The following DISC1 variants were observed in gnomAD, a reference collection of about 807,000 sequenced individuals.
The protein encoded by DISC1 is disrupted in schizophrenia 1 protein.
A neutral mutation model predicts 84.5 loss-of-function variants in DISC1; 57 were observed. That is an observed-to-expected ratio of 0.67 (90% CI 0.55 to 0.84). The LOEUF (loss-of-function observed/expected upper bound fraction) is 0.84, where lower values mean the gene tolerates loss of function less well. DISC1 is among the 40% of genes least tolerant of loss of function. The probability of loss-of-function intolerance (pLI) is 0.00; values close to 1 mark genes in which losing one functional copy is unlikely to be tolerated. For synonymous variants in DISC1, 411 were observed against 415.2 expected, an observed-to-expected ratio of 0.99 and a Z score of 0.12; for missense variants, 1,000 against 1,057.8, an observed-to-expected ratio of 0.95 and a Z score of 0.76.
At chr1:231,812,831 TG>T (rs1392779948) in intron 8 of DISC1, among the ~76,000 whole-genome samples, 1 of 152,182 alleles carries the variant, frequency 6.6e-6, no homozygotes, top group African/African-American at 2.4e-5. Flanking sequence ...CAGAGAGGTC[TG>T]CATCAAGCAA....
At chr1:231,884,213 C>A (rs571234884) in intron 9 of DISC1, among the ~76,000 whole-genome samples, 1 of 152,240 alleles carries the variant, frequency 6.6e-6, no homozygotes, top group Non-Finnish European at 1.5e-5. Flanking sequence ...CTTTTTTGGA[C>A]AATTTTGCAT....
At chr1:231,945,924 C>A (rs918559451) in intron 9 of DISC1, among the ~76,000 whole-genome samples, 1 of 152,162 alleles carries the variant, frequency 6.6e-6, no homozygotes, top group Non-Finnish European at 1.5e-5. Flanking sequence ...GGAGTGGAAT[C>A]CCTGAATAAA....
chr1:232,005,637 T>C (rs1667325599), intron 10 of DISC1, among the ~76,000 whole-genome samples: 1 of 152,206 alleles, frequency 6.6e-6, no homozygotes, highest in Non-Finnish European at 1.5e-5. Context: ...TACTTCTGCC[T>C]AATTCCTTCT....
At chr1:231,751,466 C>T (rs1295061387) in intron 4 of DISC1, among the ~76,000 whole-genome samples, 2 of 151,998 alleles carry the variant, frequency 1.3e-5, no homozygotes, top group African/African-American at 4.8e-5. Flanking sequence ...TAAAATTCAC[C>T]ATCTTAAGTG....
intron 4 of DISC1, among the ~76,000 whole-genome samples, chr1:231,753,770 T>G (rs1223044249): frequency 6.6e-6 from 1 of 152,224 alleles, no homozygotes; most frequent in South Asian, 2.1e-4. Context: ...AAACTTTAGG[T>G]CATTTATTTG....
intron 9 of DISC1, among the ~76,000 whole-genome samples, chr1:231,885,753 G>T (rs924448931): frequency 1.3e-5 from 2 of 152,206 alleles, no homozygotes; most frequent in African/African-American, 4.8e-5. Flanking sequence ...TATGGTGGCA[G>T]TGGGAAAAGG....
At chr1:231,634,452 C>T (rs1226392288) in intron 1 of DISC1, among the ~76,000 whole-genome samples, 1 of 152,096 alleles carries the variant, frequency 6.6e-6, no homozygotes, top group Non-Finnish European at 1.5e-5. Flanking sequence ...AAAAAGTTTG[C>T]GTATTTCAGT....
At position 231,739,569 on chromosome 1, in the gene DISC1, C is replaced by G. The variant is rs577697775; in HGVS notation, c.1118-10357C>G. On this transcript the variant is annotated intron_variant, in intron 3 of 12. Coordinates refer to ENST00000439617, the MANE Select transcript of DISC1 (RefSeq NM_018662.3). The stretch of plus-strand genomic sequence containing the variant: ...TTACCAATGGGGCCGCTCACTGCCA[C>G]CTTTTCTGCACAGGAAGAGACGAGA... 2.6e-5 allele frequency among the ~76,000 whole-genome samples: 4 copies of G among 152,292 alleles called. No individual in the cohort carries two copies. The South Asian group carries it at 6.2e-4, about 24-fold the overall frequency.
At chr1:231,754,521 C>T (rs1220859736) in intron 4 of DISC1, among the ~76,000 whole-genome samples, 1 of 152,174 alleles carries the variant, frequency 6.6e-6, no homozygotes, top group Non-Finnish European at 1.5e-5. Context: ...TGGTGTTAAA[C>T]ATTCATGAAA....
intron 3 of DISC1, among the ~76,000 whole-genome samples, chr1:231,714,550 GAGAC>G (rs901588637): frequency 5.9e-5 from 9 of 151,880 alleles, no homozygotes; most frequent in African/African-American, 2.2e-4. Flanking sequence ...GTATGAAACA[GAGAC>G]AGAGAGAAAG....
At chr1:231,744,924 T>A (rs2073795209) in intron 3 of DISC1, among the ~76,000 whole-genome samples, 1 of 152,130 alleles carries the variant, frequency 6.6e-6, no homozygotes, top group African/African-American at 2.4e-5. Context: ...GTAAAAGAAA[T>A]GAAAATCAAT....
chr1:231,820,803 T>C (rs1177103501), intron 9 of DISC1, among the ~76,000 whole-genome samples: 4 of 152,230 alleles, frequency 2.6e-5, no homozygotes, highest in Non-Finnish European at 5.9e-5. Context: ...CCTTGTTATA[T>C]GGTAACAGCT....
chr1:232,008,704 G>T, intron 10 of DISC1, 81 bp from the exon 11 acceptor site: 1 of 1,476,418 alleles, frequency 6.8e-7, no homozygotes. Context: ...CTGACTTTTA[G>T]CCAGGTAGAC....
chr1:231,710,183 A>G (rs1332574486), intron 3 of DISC1, among the ~76,000 whole-genome samples: 1 of 152,164 alleles, frequency 6.6e-6, no homozygotes, highest in South Asian at 2.1e-4. Context: ...CAAAAAAATG[A>G]CAAAAACAAT....
At chr1:231,649,732 T>G (rs1456328133) in intron 1 of DISC1, among the ~76,000 whole-genome samples, 1 of 152,226 alleles carries the variant, frequency 6.6e-6, no homozygotes, top group Non-Finnish European at 1.5e-5. Context: ...TTTATGAATC[T>G]GGGTGCTCCT....
At chr1:231,973,940 C>T (rs901640096) in intron 10 of DISC1, among the ~76,000 whole-genome samples, 4 of 152,180 alleles carry the variant, frequency 2.6e-5, no homozygotes, top group African/African-American at 9.6e-5. Flanking sequence ...ACACCCACTC[C>T]AAACTAATGT....
chr1:231,818,398 T>C lies in DISC1; in HGVS notation c.1862T>C (p.Leu621Pro). ...TCATTAACATCAGAGAGAGAAGGGC[T>C]GGAGGGACTCCTCAGCAAGCTGTTG... is the stretch of plus-strand genomic sequence containing the variant. ...IRSLTSEREG[L>P]EGLLSKLLVL... The change falls in exon 9 of 13, where the codon CTG (leucine) becomes CCG (proline). Residue 621 changes from leucine (L) to proline (P), a missense_variant. Physicochemically the swap from Leu to Pro is moderately conservative, Grantham distance 98. Around this residue, in one of 3 missense-constraint regions of DISC1, gnomAD observed 397 missense variants for 377.5 expected, o/e 1.05. Transcript: ENST00000439617. 7.4e-6 allele frequency: 12 copies of C among 1,614,140 alleles called. No individual in the cohort carries two copies. The highest frequency in any genetic ancestry group is 1.0e-5 in the Non-Finnish European group (12 of 1,180,006).
At chr1:231,751,776 A>G (rs2074625639) in intron 4 of DISC1, among the ~76,000 whole-genome samples, 1 of 152,200 alleles carries the variant, frequency 6.6e-6, no homozygotes, top group African/African-American at 2.4e-5. Context: ...TTCAATGTTC[A>G]TCCATCTGAT....
intron 9 of DISC1, among the ~76,000 whole-genome samples, chr1:231,958,527 C>T (rs1285909164): frequency 6.6e-6 from 1 of 152,180 alleles, no homozygotes; most frequent in Non-Finnish European, 1.5e-5. Context: ...AGAGATAGAG[C>T]ACATGTCATC....
Sources: gnomAD v4.1 joint callset for allele counts (sites outside exome capture counted in the v4.1 genomes callset) on GRCh38, gnomAD v4.1.1 for gene constraint, gnomAD v4.1.1 regional missense constraint, MANE v1.5 for transcripts, NCBI Gene and HGNC (gene_info 2026-07-23, HGNC 2026-07-21) for gene names.